The following XPO5 variants were observed in gnomAD, a reference collection of about 807,000 sequenced individuals.
The protein encoded by XPO5 is exportin 5.
Under a neutral mutation model 160.6 loss-of-function variants are expected in XPO5, and 46 were observed. The ratio of observed to expected loss-of-function variants is 0.29; its 90% CI spans 0.23 to 0.37. XPO5 has a LOEUF of 0.37. Among genes scored for constraint, XPO5 ranks in the 10% least tolerant of loss-of-function variants. The pLI is 1.00. For synonymous variants in XPO5, 537 were observed against 519.3 expected (o/e 1.03, Z -0.46); for missense variants, 1,090 against 1,463.9 (o/e 0.74, Z 4.17).
intron 19 of XPO5, 162 bp downstream of exon 19, chr6:43,547,446 A>T (rs529954473): frequency 1.1e-5 from 8 of 718,560 alleles, no homozygotes; most frequent in Admixed American, 2.0e-5. Flanking sequence ...TAACTCAAGA[A>T]TTCAAGACTA....
chr6:43,561,122 G>GA lies in XPO5; in HGVS notation c.1012-116dup, dbSNP rs1163964093. On this transcript the variant is annotated intron_variant, in intron 9 of 31. Transcript: ENST00000265351. ...CCCTCAAAAAATGTTGTTTCAAAAG[G>GA]ACTTTGTATTTCCTTTTGGCTAAAG... is the stretch of plus-strand genomic sequence containing the variant. 61 of 860,262 alleles carry GA rather than the reference G, an allele frequency of 7.1e-5. No homozygotes were observed. The East Asian group carries it at 1.4e-3, about 20-fold the overall frequency. 53.3% of individuals were successfully genotyped at this position (860,262 alleles called of 1,614,324 possible).
At chr6:43,563,517 G>A (rs1582240769) in intron 8 of XPO5, among the ~76,000 whole-genome samples, 2 of 152,278 alleles carry the variant, frequency 1.3e-5, no homozygotes, top group East Asian at 1.9e-4. Context: ...CTGGGGATGT[G>A]TACTGAGAAA....
chr6:43,529,726 C>A, intron 23 of XPO5: 1 of 159,342 alleles, frequency 6.3e-6, no homozygotes, highest in South Asian at 1.7e-4. Context: ...TTGAGACCAC[C>A]CTGGGGAACA....
At chr6:43,524,165 G>A (rs550849029) in intron 31 of XPO5, among the ~76,000 whole-genome samples, 160 bp from the exon 32 acceptor site, 1 of 152,054 alleles carries the variant, frequency 6.6e-6, no homozygotes, top group Non-Finnish European at 1.5e-5. Context: ...CAGCCTGACC[G>A]ACATGGAGAA....
intron 21 of XPO5, 51 bp from the exon 22 acceptor site, chr6:43,531,626 A>C: frequency 1.6e-5 from 24 of 1,496,680 alleles, no homozygotes; most frequent in Non-Finnish European, 2.2e-5. Flanking sequence ...CAGGAGTCTC[A>C]ATTGGCCAAC....
At chr6:43,551,202 G>GCA in intron 15 of XPO5, 96 bp downstream of exon 15, 2 of 1,297,972 alleles carry the variant, frequency 1.5e-6, no homozygotes, top group Non-Finnish European at 2.0e-6. Flanking sequence ...TCCAGCCTGG[G>GCA]CAATGTAGCA....
intron 20 of XPO5, among the ~76,000 whole-genome samples, chr6:43,538,006 TC>T (rs1465016793): frequency 7.3e-6 from 1 of 137,434 alleles, no homozygotes; most frequent in East Asian, 2.2e-4. Flanking sequence ...AATTGCTTGA[TC>T]CCGGGAGGCG....
intron 3 of XPO5, among the ~76,000 whole-genome samples, chr6:43,571,680 T>C (rs1397954109): frequency 2.6e-5 from 4 of 152,106 alleles, no homozygotes; most frequent in Non-Finnish European, 5.9e-5. Context: ...TGGTACCACA[T>C]GCCTATAATC....
At chr6:43,532,491 C>G (rs1477438846) in intron 21 of XPO5, among the ~76,000 whole-genome samples, 1 of 152,230 alleles carries the variant, frequency 6.6e-6, no homozygotes, top group Non-Finnish European at 1.5e-5. Flanking sequence ...GCCTCTAGCT[C>G]TAACTTCATC....
At chr6:43,567,135 ACT>A in intron 7 of XPO5, 32 bp downstream of exon 7, 1 of 1,582,904 alleles carries the variant, frequency 6.3e-7, no homozygotes, top group Non-Finnish European at 8.6e-7. Flanking sequence ...TACTTCAGAG[ACT>A]GAGGATAAGT....
intron 12 of XPO5, among the ~76,000 whole-genome samples, chr6:43,557,175 CTAG>C (rs1762136376): frequency 6.9e-6 from 1 of 144,408 alleles, no homozygotes; most frequent in Non-Finnish European, 1.5e-5. Flanking sequence ...GCCTGTAATC[CTAG>C]TACTTTGGGA....
At chr6:43,544,524 A>G (rs1402167605) in intron 20 of XPO5, among the ~76,000 whole-genome samples, 1 of 152,230 alleles carries the variant, frequency 6.6e-6, no homozygotes, top group Non-Finnish European at 1.5e-5. Flanking sequence ...TTGGCCACAT[A>G]GATTCTGGCC....
At chr6:43,525,082 A>AG in intron 29 of XPO5, 25 bp downstream of exon 29, 1 of 1,569,692 alleles carries the variant, frequency 6.4e-7, no homozygotes, top group Non-Finnish European at 8.6e-7. Context: ...CATGAGGGGC[A>AG]GGGAAAAGGG....
intron 13 of XPO5, 23 bp from the exon 14 acceptor site, chr6:43,553,526 T>C (rs1030303411): frequency 2.7e-4 from 385 of 1,447,640 alleles, no homozygotes; most frequent in African/African-American, 1.0e-3. Flanking sequence ...CACACACACA[T>C]ACACACACAC....
At chr6:43,525,287 G>T in intron 28 of XPO5, 73 bp from the exon 29 acceptor site, 1 of 1,394,266 alleles carries the variant, frequency 7.2e-7, no homozygotes, top group Non-Finnish European at 9.7e-7. Flanking sequence ...TACACATCAG[G>T]AGCCGGAGGG....
chr6:43,545,098 C>A (rs1359910257), intron 20 of XPO5, among the ~76,000 whole-genome samples: 3 of 151,956 alleles, frequency 2.0e-5, no homozygotes, highest in Non-Finnish European at 1.5e-5. Flanking sequence ...GTCTGAAACT[C>A]CTGACCTCAA....
At chr6:43,539,799 T>A (rs916508516) in intron 20 of XPO5, 3 of 552,938 alleles carry the variant, frequency 5.4e-6, no homozygotes, top group Non-Finnish European at 9.5e-6. Flanking sequence ...CTGGGAGAAC[T>A]CCCATGTAAA....
intron 20 of XPO5, among the ~76,000 whole-genome samples, chr6:43,540,568 G>A (rs1048526003): frequency 3.3e-5 from 5 of 152,280 alleles, no homozygotes; most frequent in African/African-American, 1.2e-4. Context: ...CAGGAGAAGC[G>A]CTTGAACCTG....
rs779471810 is a variant in XPO5 at position 43,522,790 on chromosome 6, ACT to A, written c.*1076_*1077del. On this transcript the variant is annotated 3_prime_UTR_variant, in exon 32 of 32. Transcript: ENST00000265351. ...GACACACTGGTTTCTGTATGGATTA[ACT>A]CTGCCTTACGGCCAGTAATAACCTC... is the stretch of plus-strand genomic sequence containing the variant. The A allele has an allele frequency of 4.7e-6, 2 of 425,396 alleles. No individual in the cohort carries two copies. The highest frequency in any genetic ancestry group is 4.1e-5 in the African/African-American group (2 of 49,130). 26.4% of individuals were successfully genotyped at this position (425,396 alleles called of 1,614,324 possible).
Sources: gnomAD v4.1 joint callset for allele counts (sites outside exome capture counted in the v4.1 genomes callset) on GRCh38, gnomAD v4.1.1 for gene constraint, MANE v1.5 for transcripts, NCBI Gene and HGNC (gene_info 2026-07-23, HGNC 2026-07-21) for gene names.